SNX30: variants seen among roughly 807,000 people sequenced by gnomAD.
SNX30 encodes sorting nexin-30.
SNX30 carries 24 observed loss-of-function variants against 46.4 expected under a neutral mutation model. The ratio of observed to expected loss-of-function variants is 0.52; its 90% confidence interval spans 0.37 to 0.73. The LOEUF (loss-of-function observed/expected upper bound fraction) is 0.73, where lower values mean the gene tolerates loss of function less well. SNX30 is among the 30% of genes least tolerant of loss of function. The pLI, the probability that SNX30 is intolerant of heterozygous loss-of-function variation, is 0.00. For synonymous variants in SNX30, 189 were observed against 211.5 expected (o/e 0.89, Z 0.92); for missense variants, 533 against 555.7 (o/e 0.96, Z 0.41).
chr9:112,810,028 G>C (rs536709736), intron 2 of SNX30, among the ~76,000 whole-genome samples: 1 of 152,158 alleles, frequency 6.6e-6, no homozygotes, highest in African/African-American at 2.4e-5. Flanking sequence ...CCGAAGGGGC[G>C]GTGTACTTTT....
intron 7 of SNX30, among the ~76,000 whole-genome samples, chr9:112,851,821 G>C (rs78041220): frequency 2.6e-5 from 4 of 152,084 alleles, no homozygotes; most frequent in African/African-American, 9.7e-5. Context: ...CATAGCGGGT[G>C]GAAGTGAGGT....
intron 3 of SNX30, among the ~76,000 whole-genome samples, chr9:112,822,302 G>GTT (rs1373283006): frequency 2.0e-5 from 3 of 152,146 alleles, no homozygotes; most frequent in Non-Finnish European, 4.4e-5. Flanking sequence ...GCAGTTCACT[G>GTT]TGTTTTTCTT....
intron 1 of SNX30, among the ~76,000 whole-genome samples, chr9:112,779,546 T>C (rs1198272442): frequency 6.6e-6 from 1 of 152,004 alleles, no homozygotes; most frequent in Non-Finnish European, 1.5e-5. Context: ...AATACAAAAA[T>C]TAGCTAGGCA....
intron 7 of SNX30, among the ~76,000 whole-genome samples, chr9:112,856,960 G>A (rs888612121): frequency 3.3e-5 from 5 of 152,170 alleles, no homozygotes; most frequent in African/African-American, 9.7e-5. Flanking sequence ...CAGGGGAAGC[G>A]TGGAACTTAA....
intron 3 of SNX30, among the ~76,000 whole-genome samples, chr9:112,829,235 G>A (rs1840624984): frequency 6.6e-6 from 1 of 151,904 alleles, no homozygotes; most frequent in Non-Finnish European, 1.5e-5. Flanking sequence ...AATTTTGTTT[G>A]GGCACCTGCT....
intron 1 of SNX30, among the ~76,000 whole-genome samples, chr9:112,768,554 C>T (rs1359407480): frequency 6.6e-6 from 1 of 151,036 alleles, no homozygotes; most frequent in Non-Finnish European, 1.5e-5. Flanking sequence ...ATACTGATGC[C>T]TGGTCCCTAT....
intron 1 of SNX30, among the ~76,000 whole-genome samples, chr9:112,793,384 G>T (rs1302064506): frequency 1.3e-5 from 2 of 152,138 alleles, no homozygotes; most frequent in African/African-American, 4.8e-5. Flanking sequence ...CCATCATGCG[G>T]GGGGAGAAGG....
At chr9:112,844,154 A>C (rs948467637) in intron 6 of SNX30, among the ~76,000 whole-genome samples, 6 of 152,118 alleles carry the variant, frequency 3.9e-5, no homozygotes, top group Admixed American at 1.3e-4. Context: ...TTTGGGGTAT[A>C]TTTTGGATGA....
intron 7 of SNX30, among the ~76,000 whole-genome samples, chr9:112,860,750 TA>T (rs1181179022): frequency 3.3e-4 from 50 of 152,224 alleles, no homozygotes; most frequent in African/African-American, 1.1e-3. Context: ...GAACATATAA[TA>T]ATATAGTTTG....
chr9:112,864,316 G>A lies in SNX30; in HGVS notation c.1171G>A (p.Glu391Lys). The change falls in exon 8 of 9, where the codon GAG (glutamate) becomes AAG (lysine). Residue 391 changes from glutamate (E) to lysine (K), a missense_variant. Physicochemically the swap from Glu to Lys is moderately conservative, Grantham distance 56. This residue lies in a region of SNX30 where 261 missense variants were observed against 270.9 expected (regional missense o/e 0.96). Coordinates refer to ENST00000374232, the MANE Select transcript of SNX30 (RefSeq NM_001012994.2). ...CFNADLKADM[E>K]RWQNNKRQDF... ...CAATGCTGACCTGAAAGCTGACATG[G>A]AGAGGTGGCAGAACAACAAGAGGCA... is the stretch of plus-strand genomic sequence containing the variant. The A allele has an allele frequency of 6.2e-7, 1 of 1,614,224 alleles. No homozygotes were observed. The highest frequency in any genetic ancestry group is 1.3e-5 in the African/African-American group (1 of 75,044).
At chr9:112,781,938 C>T (rs1353926265) in intron 1 of SNX30, among the ~76,000 whole-genome samples, 16 of 151,868 alleles carry the variant, frequency 1.1e-4, no homozygotes, top group South Asian at 2.1e-4. Context: ...CACTGCGCCC[C>T]GCCCACCATT....
At chr9:112,841,821 A>G (rs183461329) in intron 6 of SNX30, among the ~76,000 whole-genome samples, 151 of 152,216 alleles carry the variant, frequency 9.9e-4, no homozygotes, top group African/African-American at 3.4e-3. Context: ...TTCCTCCGAG[A>G]GAGTCATATA....
At chr9:112,753,531 T>A (rs2131342110) in intron 1 of SNX30, among the ~76,000 whole-genome samples, 1 of 152,322 alleles carries the variant, frequency 6.6e-6, no homozygotes, top group East Asian at 1.9e-4. Flanking sequence ...TACAGGCGTG[T>A]GCTACCTTGA....
chr9:112,786,668 C>T (rs910904120), intron 1 of SNX30, among the ~76,000 whole-genome samples: 14 of 145,864 alleles, frequency 9.6e-5, no homozygotes, highest in Non-Finnish European at 1.8e-4. Context: ...CTGTCCTTGA[C>T]TTTTTTTTTT....
chr9:112,807,486 T>C (rs954436602), intron 2 of SNX30, among the ~76,000 whole-genome samples: 1 of 152,218 alleles, frequency 6.6e-6, no homozygotes, highest in Non-Finnish European at 1.5e-5. Context: ...TTGGGCTAGA[T>C]GCTTACATAT....
chr9:112,774,994 G>A (rs1018661377), intron 1 of SNX30, among the ~76,000 whole-genome samples: 1 of 151,226 alleles, frequency 6.6e-6, no homozygotes, highest in Non-Finnish European at 1.5e-5. Flanking sequence ...ACAGACGTGT[G>A]CCACCACGCC....
At chr9:112,757,058 C>T (rs1839361313) in intron 1 of SNX30, among the ~76,000 whole-genome samples, 2 of 152,160 alleles carry the variant, frequency 1.3e-5, no homozygotes, top group African/African-American at 4.8e-5. Context: ...TTATTAATAA[C>T]TCTAGTCCTC....
intron 1 of SNX30, among the ~76,000 whole-genome samples, chr9:112,795,765 TCACACA>T (rs1554751568): frequency 6.7e-4 from 83 of 123,334 alleles, no homozygotes; most frequent in African/African-American, 2.3e-3. Context: ...CACAGTACAG[TCACACA>T]CACACACACA....
chr9:112,837,536 C>T (rs1840777032), intron 5 of SNX30, among the ~76,000 whole-genome samples: 1 of 151,622 alleles, frequency 6.6e-6, no homozygotes, highest in African/African-American at 2.4e-5. Context: ...AGTGCAGTGG[C>T]ACCATCTCGG....
Sources: gnomAD v4.1 joint callset for allele counts (sites outside exome capture counted in the v4.1 genomes callset) on GRCh38, gnomAD v4.1.1 for gene constraint, gnomAD v4.1.1 regional missense constraint, MANE v1.5 for transcripts, NCBI Gene and HGNC (gene_info 2026-07-23, HGNC 2026-07-21) for gene names.